NEGR1: variants seen among roughly 807,000 people sequenced by gnomAD.
NEGR1 encodes IgLON family member 4.
In NEGR1, 10 loss-of-function variants were observed where a neutral mutation model predicts 40.9. The ratio of observed to expected loss-of-function variants is 0.24; its 90% confidence interval spans 0.15 to 0.42. NEGR1 has a LOEUF of 0.42. Ranked by LOEUF, NEGR1 falls within the 10% of genes least tolerant of loss-of-function variation. The pLI is 1.00. For synonymous variants in NEGR1, 185 were observed against 166.8 expected (o/e 1.11, Z -0.84); for missense variants, 352 against 438.9 (o/e 0.80, Z 1.77).
intron 1 of NEGR1, among the ~76,000 whole-genome samples, chr1:72,152,823 T>C (rs924787157): frequency 6.6e-6 from 1 of 151,978 alleles, no homozygotes; most frequent in Non-Finnish European, 1.5e-5. Flanking sequence ...TGAAATTATG[T>C]CCTTTGCAGA....
intron 1 of NEGR1, among the ~76,000 whole-genome samples, chr1:71,960,063 A>T (rs1269537368): frequency 2.0e-5 from 3 of 152,136 alleles, no homozygotes; most frequent in Non-Finnish European, 4.4e-5. Flanking sequence ...CATAGGTAGG[A>T]AGTAGGGCAA....
At chr1:71,585,688 C>CTT (rs563536438) in intron 6 of NEGR1, among the ~76,000 whole-genome samples, 94 of 112,540 alleles carry the variant, frequency 8.4e-4, no homozygotes, top group African/African-American at 2.4e-3. Flanking sequence ...ACCTCTCCAT[C>CTT]TTTTTTTTTT....
chr1:71,809,920 A>C (rs867617744), intron 2 of NEGR1, among the ~76,000 whole-genome samples: 2 of 152,276 alleles, frequency 1.3e-5, no homozygotes, highest in Non-Finnish European at 1.5e-5. Flanking sequence ...AAAAAACGTA[A>C]AAGTTTTGCA....
intron 4 of NEGR1, among the ~76,000 whole-genome samples, chr1:71,642,842 T>C (rs957760560): frequency 6.6e-6 from 1 of 152,028 alleles, no homozygotes; most frequent in Non-Finnish European, 1.5e-5. Context: ...ATCTCCCTTA[T>C]CTTTTGTGGT....
intron 1 of NEGR1, among the ~76,000 whole-genome samples, chr1:72,118,641 T>C (rs1361097588): frequency 6.6e-6 from 1 of 151,894 alleles, no homozygotes; most frequent in African/African-American, 2.4e-5. Flanking sequence ...CTGGAGGGTT[T>C]TCCCAGAGTC....
Position 71,569,732 on chromosome 1 carries a change from T to C in NEGR1, c.940+23085A>G, listed in dbSNP as rs115367614. Reference sequence around the variant, plus strand: ...GGTTTACTTCAGGAGAGAGCTGCAGTGTGACTTGCTGGCAAAAGAAGACAG... The same window carrying C: ...GGTTTACTTCAGGAGAGAGCTGCAGCGTGACTTGCTGGCAAAAGAAGACAG... On this transcript the variant is annotated intron_variant, in intron 6 of 6. Coordinates refer to ENST00000357731, the MANE Select transcript of NEGR1 (RefSeq NM_173808.3). Among the ~76,000 whole-genome samples the C allele has an allele frequency of 4.2e-3, 642 of 152,274 alleles. 5 individuals carry two copies. The highest frequency in any genetic ancestry group is 0.014 in the African/African-American group (595 of 41,550).
chr1:71,982,625 A>G (rs1367312486), intron 1 of NEGR1, among the ~76,000 whole-genome samples: 1 of 152,188 alleles, frequency 6.6e-6, no homozygotes, highest in African/African-American at 2.4e-5. Flanking sequence ...CAGGGGTTCA[A>G]TAAATGTTAA....
chr1:72,213,614 C>T (rs1653690200), intron 1 of NEGR1, among the ~76,000 whole-genome samples: 1 of 151,708 alleles, frequency 6.6e-6, no homozygotes, highest in Non-Finnish European at 1.5e-5. Context: ...ATGTTTCAAA[C>T]AAAATGTGGT....
intron 6 of NEGR1, among the ~76,000 whole-genome samples, chr1:71,543,735 T>TA (rs1198460318): frequency 6.6e-6 from 1 of 151,702 alleles, no homozygotes; most frequent in Non-Finnish European, 1.5e-5. Flanking sequence ...GATATTAATA[T>TA]AAAAAACTTT....
chr1:72,126,478 A>AT (rs1392211149), intron 1 of NEGR1, among the ~76,000 whole-genome samples: 3 of 152,084 alleles, frequency 2.0e-5, no homozygotes, highest in Non-Finnish European at 4.4e-5. Context: ...TAAATTTAAT[A>AT]TTTTTTGGCA....
At chr1:71,986,642 A>ACCT (rs1225090896) in intron 1 of NEGR1, among the ~76,000 whole-genome samples, 2 of 151,962 alleles carry the variant, frequency 1.3e-5, no homozygotes, top group Non-Finnish European at 2.9e-5. Flanking sequence ...TAGTGTAGAA[A>ACCT]TCAGGTTGGT....
At chr1:71,934,161 A>G (rs1419438306) in intron 2 of NEGR1, among the ~76,000 whole-genome samples, 1 of 152,146 alleles carries the variant, frequency 6.6e-6, no homozygotes. Context: ...TCCACAGAGC[A>G]TAATATTTCT....
At chr1:71,695,892 T>G (rs900001563) in intron 4 of NEGR1, among the ~76,000 whole-genome samples, 4 of 151,818 alleles carry the variant, frequency 2.6e-5, no homozygotes, top group African/African-American at 9.7e-5. Flanking sequence ...ATTATATATT[T>G]TTTTTAAAAA....
intron 5 of NEGR1, among the ~76,000 whole-genome samples, chr1:71,608,783 T>C (rs1214327010): frequency 1.3e-5 from 2 of 152,180 alleles, no homozygotes; most frequent in African/African-American, 4.8e-5. Flanking sequence ...TGTGAACAGG[T>C]AGAATTGAGG....
intron 1 of NEGR1, among the ~76,000 whole-genome samples, chr1:72,112,267 A>C (rs67474621): frequency 8.0e-5 from 9 of 111,942 alleles, no homozygotes; most frequent in Admixed American, 6.3e-4. Context: ...TTTTACGTTT[A>C]AAAAAAAAAT....
chr1:72,005,446 C>T (rs1646598580), intron 1 of NEGR1, among the ~76,000 whole-genome samples: 1 of 152,066 alleles, frequency 6.6e-6, no homozygotes, highest in South Asian at 2.1e-4. Context: ...TATATTCTTT[C>T]TCTTGACAAA....
At chr1:72,220,281 T>A (rs1355813332) in intron 1 of NEGR1, among the ~76,000 whole-genome samples, 1 of 151,968 alleles carries the variant, frequency 6.6e-6, no homozygotes, top group East Asian at 1.9e-4. Flanking sequence ...CCCCTTTTTA[T>A]GTGTGTGTGT....
chr1:71,963,974 A>G (rs1419182249), intron 1 of NEGR1, among the ~76,000 whole-genome samples: 2 of 152,192 alleles, frequency 1.3e-5, no homozygotes, highest in East Asian at 1.9e-4. Context: ...TCTATTCTAC[A>G]TATAGTTTCA....
chr1:72,279,836 G>T (rs985532044), intron 1 of NEGR1, among the ~76,000 whole-genome samples: 1 of 152,054 alleles, frequency 6.6e-6, no homozygotes, highest in African/African-American at 2.4e-5. Context: ...AATGGAGAGA[G>T]AATTTCTTAT....
Sources: gnomAD v4.1 joint callset for allele counts (sites outside exome capture counted in the v4.1 genomes callset) on GRCh38, gnomAD v4.1.1 for gene constraint, MANE v1.5 for transcripts, NCBI Gene and HGNC (gene_info 2026-07-23, HGNC 2026-07-21) for gene names.